The following OMA1 variants were observed in gnomAD, a reference collection of about 807,000 sequenced individuals.
OMA1 encodes the protein OMA1 zinc metallopeptidase, also known as metalloendopeptidase OMA1, mitochondrial.
Under a neutral mutation model 30.9 loss-of-function variants are expected in OMA1, and 38 were observed. The ratio of observed to expected loss-of-function variants is 1.23; its 90% CI spans 0.95 to 1.61. OMA1 has a LOEUF of 1.61. Among genes scored for constraint, OMA1 ranks in the 40% most tolerant of loss-of-function variants. The pLI is 0.00. For synonymous variants in OMA1, 173 were observed against 121.9 expected, an observed-to-expected ratio of 1.42 and a Z score of -2.76; for missense variants, 461 against 349.2, an observed-to-expected ratio of 1.32 and a Z score of -2.55.
intron 8 of OMA1, among the ~76,000 whole-genome samples, chr1:58,491,628 A>G (rs1485113315): frequency 1.6e-4 from 24 of 152,186 alleles, no homozygotes; most frequent in Admixed American, 1.2e-3. Flanking sequence ...GTCTCTGATA[A>G]AACAGACTTT....
chr1:58,515,589 T>C (rs1413472378), intron 7 of OMA1, among the ~76,000 whole-genome samples: 1 of 152,210 alleles, frequency 6.6e-6, no homozygotes, highest in Non-Finnish European at 1.5e-5. Flanking sequence ...GTATGCATTA[T>C]GAAAGTTACT....
intron 8 of OMA1, among the ~76,000 whole-genome samples, chr1:58,492,474 G>A (rs1645714582): frequency 6.6e-6 from 1 of 152,116 alleles, no homozygotes; most frequent in African/African-American, 2.4e-5. Flanking sequence ...AATGAATCCA[G>A]GAGTTGGTTT....
intron 8 of OMA1, among the ~76,000 whole-genome samples, chr1:58,486,179 G>C (rs145727334): frequency 6.6e-6 from 1 of 152,312 alleles, no homozygotes; most frequent in African/African-American, 2.4e-5. Flanking sequence ...ATGCCAAAGA[G>C]AGGGGGACAA....
intron 8 of OMA1, among the ~76,000 whole-genome samples, chr1:58,485,766 ACTTT>A (rs763245773): frequency 8.5e-5 from 13 of 152,066 alleles, no homozygotes; most frequent in Non-Finnish European, 1.3e-4. Flanking sequence ...CACTTCCTTT[ACTTT>A]GTTTTCTGTG....
intron 1 of OMA1, chr1:58,541,614 C>CAAAAAAAAAAAAAAACAAAAAA (rs1646617391): frequency 1.5e-5 from 1 of 65,622 alleles, no homozygotes; most frequent in Admixed American, 2.3e-4. Flanking sequence ...GAGAACCTGT[C>CAAAAAAAAAAAAAAACAAAAAA]AAAAAAAAAA....
At chr1:58,510,570 A>C (rs1471623324) in intron 7 of OMA1, among the ~76,000 whole-genome samples, 1 of 152,202 alleles carries the variant, frequency 6.6e-6, no homozygotes, top group African/African-American at 2.4e-5. Context: ...GAACAAGGCA[A>C]GAATGACCAA....
At chr1:58,537,006 C>T (rs564232247) in intron 2 of OMA1, among the ~76,000 whole-genome samples, 46 of 151,796 alleles carry the variant, frequency 3.0e-4, no homozygotes, top group African/African-American at 1.1e-3. Context: ...AAATGAGATG[C>T]TAGTTTACTA....
At chr1:58,534,084 A>T in intron 4 of OMA1, 24 bp from the exon 5 acceptor site, 1 of 868,802 alleles carries the variant, frequency 1.2e-6, no homozygotes, top group African/African-American at 1.6e-5. Flanking sequence ...AAAATAATGT[A>T]AGCAATTAGA....
rs540027546 is a variant in OMA1 at position 58,492,593 on chromosome 1, G to A, written c.1366-11419C>T. Among the ~76,000 whole-genome samples the A allele has an allele frequency of 7.9e-5, 12 of 152,146 alleles. No homozygotes were observed. In the East Asian group the frequency reaches 1.3e-3, roughly 17 times the overall value. ...AAATGATAAAGGGGATATCACCACC[G>A]ATCCCACAGAAATACAAACTACCAT... On this transcript the variant is annotated intron_variant, in intron 8 of 8. Coordinates refer to ENST00000371226, the MANE Select transcript of OMA1 (RefSeq NM_145243.5).
chr1:58,499,473 A>T (rs954924542), intron 8 of OMA1, among the ~76,000 whole-genome samples: 2 of 66,368 alleles, frequency 3.0e-5, no homozygotes, highest in African/African-American at 1.2e-4. Flanking sequence ...GAACAAAGCC[A>T]GACTATAGAT....
At chr1:58,527,388 A>G (rs1430379999) in intron 6 of OMA1, 53 bp from the exon 7 acceptor site, 34 of 837,492 alleles carry the variant, frequency 4.1e-5, no homozygotes, top group Non-Finnish European at 4.2e-6. Flanking sequence ...TCACGAAAAA[A>G]GGAGTAACAC....
At chr1:58,531,060 T>C (rs1025026576) in intron 5 of OMA1, among the ~76,000 whole-genome samples, 2 of 152,130 alleles carry the variant, frequency 1.3e-5, no homozygotes, top group South Asian at 2.1e-4. Context: ...GAAACTGAGA[T>C]AGAGAGAGGT....
intron 7 of OMA1, among the ~76,000 whole-genome samples, chr1:58,510,889 T>C (rs1646065463): frequency 6.6e-6 from 1 of 151,832 alleles, no homozygotes; most frequent in Admixed American, 6.6e-5. Context: ...TTAAAAAGAA[T>C]AAAATACTTA....
At chr1:58,492,368 A>G (rs1485113170) in intron 8 of OMA1, among the ~76,000 whole-genome samples, 1 of 152,190 alleles carries the variant, frequency 6.6e-6, no homozygotes, top group African/African-American at 2.4e-5. Flanking sequence ...GAGAAGCAAG[A>G]GCAAACACAT....
chr1:58,520,227 C>T (rs1280346638), intron 7 of OMA1, among the ~76,000 whole-genome samples: 4 of 151,984 alleles, frequency 2.6e-5, no homozygotes, highest in Non-Finnish European at 5.9e-5. Flanking sequence ...CAGACCTGCA[C>T]GTGTACCCTG....
At chr1:58,501,928 C>T (rs562769638) in intron 8 of OMA1, among the ~76,000 whole-genome samples, 1 of 151,832 alleles carries the variant, frequency 6.6e-6, no homozygotes, top group South Asian at 2.1e-4. Flanking sequence ...CTCCTCACTG[C>T]CCCCCACTCC....
intron 7 of OMA1, among the ~76,000 whole-genome samples, chr1:58,509,594 A>ATATT (rs1293103528): frequency 6.8e-6 from 1 of 146,046 alleles, no homozygotes; most frequent in African/African-American, 2.4e-5. Flanking sequence ...AAGATCTACC[A>ATATT]AAAAAGAAAA....
intron 8 of OMA1, among the ~76,000 whole-genome samples, chr1:58,492,893 A>G (rs1052619896): frequency 1.1e-4 from 16 of 152,270 alleles, no homozygotes; most frequent in Admixed American, 2.0e-4. Flanking sequence ...AGAAAAAGAG[A>G]GAATCCTCCC....
At chr1:58,496,358 C>T (rs551683124) in intron 8 of OMA1, among the ~76,000 whole-genome samples, 195 of 152,280 alleles carry the variant, frequency 1.3e-3, no homozygotes, top group African/African-American at 4.4e-3. Flanking sequence ...TTTGTAAAGT[C>T]GTTCTTTCAG....
Sources: gnomAD v4.1 joint callset for allele counts (sites outside exome capture counted in the v4.1 genomes callset) on GRCh38, gnomAD v4.1.1 for gene constraint, MANE v1.5 for transcripts, NCBI Gene and HGNC (gene_info 2026-07-23, HGNC 2026-07-21) for gene names.